DMD: variants seen among roughly 807,000 people sequenced by gnomAD.
DMD encodes the protein dystrophin.
Under a neutral mutation model 330.1 loss-of-function variants are expected in DMD, and 63 were observed. The ratio of observed to expected loss-of-function variants is 0.19; its 90% confidence interval spans 0.16 to 0.24. The LOEUF (loss-of-function observed/expected upper bound fraction) is 0.24, where lower values mean the gene tolerates loss of function less well. Among genes scored for constraint, DMD ranks in the 10% least tolerant of loss-of-function variants. The pLI is 1.00. For synonymous variants in DMD, 1,223 were observed against 959.8 expected (o/e 1.27, Z -5.07); for missense variants, 3,344 against 2,684.1 (o/e 1.25, Z -5.43).
chrX:33,168,302 T>A lies in DMD; in HGVS notation c.31+42980A>T, dbSNP rs147787793. Among the ~76,000 whole-genome samples the A allele has an allele frequency of 9.5e-3, 1,050 of 110,994 alleles. 12 individuals are homozygous for A. Among genetic ancestry groups the A allele is most frequent in the African/African-American group, 0.032 (982 of 30,647 alleles). On this transcript the variant is annotated intron_variant, in intron 1 of 78. Transcript: ENST00000357033. ...AAAAATAACTTTATTTACTATATAT[T>A]TTTTAACATCAGAAAGAACGTTGGG...
intron 7 of DMD, among the ~76,000 whole-genome samples, chrX:32,769,766 A>C (rs1055056216): frequency 9.1e-6 from 1 of 110,438 alleles, no homozygotes; most frequent in Non-Finnish European, 1.9e-5. Flanking sequence ...CAAGTGATAT[A>C]TTCTAGTTTT....
At chrX:31,712,350 C>G (rs1045260043) in intron 52 of DMD, among the ~76,000 whole-genome samples, 2 of 110,893 alleles carry the variant, frequency 1.8e-5, no homozygotes, top group African/African-American at 6.6e-5. Flanking sequence ...AGAATGTTGC[C>G]CTCTGGAGTT....
intron 34 of DMD, among the ~76,000 whole-genome samples, chrX:32,365,748 T>C (rs1963701): frequency 0.48 from 52,725 of 110,926 alleles, 9,385 homozygotes; most frequent in East Asian, 0.73. Context: ...TTTAAATATT[T>C]GTGATGTAGT....
chrX:32,514,213 G>C (rs1204168949), intron 18 of DMD, among the ~76,000 whole-genome samples: 1 of 95,560 alleles, frequency 1.0e-5, no homozygotes, highest in African/African-American at 3.9e-5. Context: ...GTGAAGGATA[G>C]CCTCTTCCAC....
At chrX:32,637,610 A>G (rs1602393983) in intron 11 of DMD, among the ~76,000 whole-genome samples, 1 of 111,881 alleles carries the variant, frequency 8.9e-6, no homozygotes, top group African/African-American at 3.3e-5. Flanking sequence ...ATTTATAAAG[A>G]AAACAAGTTT....
intron 1 of DMD, among the ~76,000 whole-genome samples, chrX:33,059,223 C>G (rs1237773840): frequency 1.8e-5 from 2 of 111,478 alleles, no homozygotes; most frequent in Non-Finnish European, 3.8e-5. Flanking sequence ...CACTAATGGT[C>G]ACAGCCATAT....
At chrX:33,240,854 T>C (rs907547936) in intron 1 of DMD, among the ~76,000 whole-genome samples, 1 of 112,153 alleles carries the variant, frequency 8.9e-6, no homozygotes, top group East Asian at 2.8e-4. Context: ...TATGTGAATG[T>C]CTTCTCTTGA....
intron 51 of DMD, among the ~76,000 whole-genome samples, chrX:31,740,827 T>C (rs915379410): frequency 1.8e-5 from 2 of 111,830 alleles, no homozygotes; most frequent in Non-Finnish European, 3.8e-5. Flanking sequence ...GCTGCATCGA[T>C]TGGCTCTCCT....
At chrX:33,314,559 GTTTTTTTTTTGTTTTT>G (rs1414900106) in intron 1 of DMD, among the ~76,000 whole-genome samples, 1 of 57,485 alleles carries the variant, frequency 1.7e-5, no homozygotes. Context: ...TGCCCAGCCT[GTTTTTTTTTTGTTTTT>G]TTTTTTTTTT....
intron 2 of DMD, among the ~76,000 whole-genome samples, chrX:32,890,370 G>A (rs778165006): frequency 2.9e-5 from 3 of 105,052 alleles, no homozygotes; most frequent in Non-Finnish European, 5.8e-5. Flanking sequence ...ATTCTTAAAG[G>A]ACTCAAACTT....
At chrX:31,135,997 CTTT>C (rs60520155) in intron 76 of DMD, among the ~76,000 whole-genome samples, 3 of 102,726 alleles carry the variant, frequency 2.9e-5, no homozygotes, top group Admixed American at 2.1e-4. Context: ...GCATTTATTC[CTTT>C]TTTTTTTTTT....
intron 45 of DMD, among the ~76,000 whole-genome samples, chrX:31,942,448 T>C (rs1449783233): frequency 5.3e-5 from 6 of 112,352 alleles, no homozygotes; most frequent in Non-Finnish European, 9.4e-5. Flanking sequence ...TCTACTTCTA[T>C]TTCTTCATCT....
intron 44 of DMD, among the ~76,000 whole-genome samples, chrX:31,989,697 A>C (rs1048077241): frequency 8.9e-6 from 1 of 111,990 alleles, no homozygotes; most frequent in African/African-American, 3.2e-5. Flanking sequence ...AAATGAACTT[A>C]TATACAATGA....
intron 7 of DMD, among the ~76,000 whole-genome samples, chrX:32,740,548 G>T (rs1001846686): frequency 3.6e-5 from 4 of 111,121 alleles, no homozygotes; most frequent in African/African-American, 1.3e-4. Flanking sequence ...ATCTTTCGGT[G>T]TAAGAATTTT....
At chrX:32,859,403 G>A (rs1224754014) in intron 2 of DMD, among the ~76,000 whole-genome samples, 1 of 108,195 alleles carries the variant, frequency 9.2e-6, no homozygotes, top group African/African-American at 3.4e-5. Flanking sequence ...GGAAGGTGGA[G>A]GTTGCAGTGA....
At chrX:31,997,411 C>T (rs1338618869) in intron 44 of DMD, among the ~76,000 whole-genome samples, 1 of 103,190 alleles carries the variant, frequency 9.7e-6, no homozygotes, top group African/African-American at 3.7e-5. Flanking sequence ...GGGAACTAGG[C>T]ATCTCTATTT....
At chrX:32,774,790 C>A (rs892056291) in intron 7 of DMD, among the ~76,000 whole-genome samples, 2 of 111,121 alleles carry the variant, frequency 1.8e-5, no homozygotes, top group African/African-American at 6.6e-5. Flanking sequence ...CTGCTCCCGG[C>A]CCCTCCCAAG....
chrX:32,774,222 G>A (rs769048917), intron 7 of DMD, among the ~76,000 whole-genome samples: 6 of 111,811 alleles, frequency 5.4e-5, no homozygotes, highest in East Asian at 2.8e-4. Context: ...TTTTAATAAC[G>A]TAATCAACAT....
Position 31,729,758 on chromosome X carries a change from CAA to C in DMD, c.7543-12_7543-11del, listed in dbSNP as rs1379057613. Reference sequence around the variant, plus strand: ...AATCCTGCATTGTTGCCTGTAAGAACAAATATCCCTTAGTATCAGGGTTCTTC... The same window carrying C: ...AATCCTGCATTGTTGCCTGTAAGAACATATCCCTTAGTATCAGGGTTCTTC... On this transcript the variant is annotated splice_polypyrimidine_tract_variant and intron_variant, in intron 51 of 78. Coordinates refer to ENST00000357033, the MANE Select transcript of DMD (RefSeq NM_004006.3). 1 of 1,165,159 alleles carries C rather than the reference CAA, an allele frequency of 8.6e-7. No homozygotes were observed. Among genetic ancestry groups the C allele is most frequent in the East Asian group, 3.0e-5 (1 of 33,609 alleles).
Sources: gnomAD v4.1 joint callset for allele counts (sites outside exome capture counted in the v4.1 genomes callset) on GRCh38, gnomAD v4.1.1 for gene constraint, MANE v1.5 for transcripts, NCBI Gene and HGNC (gene_info 2026-07-23, HGNC 2026-07-21) for gene names.